Variants in UTP18 observed in about 807,000 individuals in gnomAD.
The protein encoded by UTP18 is UTP18 small subunit processome component, also known as U3 small nucleolar RNA-associated protein 18 homolog.
UTP18 carries 36 observed loss-of-function variants against 61.1 expected under a neutral mutation model. The ratio of observed to expected loss-of-function variants is 0.59; its 90% confidence interval spans 0.45 to 0.78. UTP18 has a LOEUF of 0.78. Among genes scored for constraint, UTP18 ranks in the 30% least tolerant of loss-of-function variants. UTP18 has a pLI of 0.00. For missense variants in UTP18, 753 were observed against 693.9 expected, an observed-to-expected ratio of 1.09 and a Z score of -0.96; for synonymous variants, 282 against 251.1, an observed-to-expected ratio of 1.12 and a Z score of -1.16.
intron 7 of UTP18, among the ~76,000 whole-genome samples, chr17:51,278,435 C>T (rs558946485): frequency 1.3e-5 from 2 of 152,348 alleles, no homozygotes; most frequent in South Asian, 2.1e-4. Context: ...GTAATGGATT[C>T]TGGCATCTCC....
chr17:51,280,587 G>T, intron 9 of UTP18, 108 bp downstream of exon 9: 1 of 984,758 alleles, frequency 1.0e-6, no homozygotes, highest in Non-Finnish European at 1.6e-6. Flanking sequence ...GCCGAGATGG[G>T]CAGATCACTT....
chr17:51,285,413 T>C (rs936426218), intron 10 of UTP18, 45 bp downstream of exon 10: 1 of 1,593,414 alleles, frequency 6.3e-7, no homozygotes, highest in Non-Finnish European at 8.6e-7. Flanking sequence ...ATTGTGCTAA[T>C]GAGAATATGT....
chr17:51,284,953 C>T (rs926774122), intron 9 of UTP18, among the ~76,000 whole-genome samples: 7 of 151,390 alleles, frequency 4.6e-5, no homozygotes, highest in Non-Finnish European at 7.4e-5. Flanking sequence ...CCCAGCTACT[C>T]GGGAGGCTGA....
At chr17:51,269,866 T>TGTGTGTGTGTGTCA in intron 4 of UTP18, among the ~76,000 whole-genome samples, 1 of 152,044 alleles carries the variant, frequency 6.6e-6, no homozygotes, top group South Asian at 2.1e-4. Flanking sequence ...TGTGTGTGTG[T>TGTGTGTGTGTGTCA]GTGTCAGTGT....
intron 4 of UTP18, 73 bp downstream of exon 4, chr17:51,268,977 A>G: frequency 6.8e-7 from 1 of 1,468,834 alleles, no homozygotes; most frequent in Non-Finnish European, 9.4e-7. Flanking sequence ...GAGCTTTCTT[A>G]TGAGGCTCAT....
At chr17:51,265,424 GGA>G (rs2055550696) in intron 2 of UTP18, among the ~76,000 whole-genome samples, 1 of 150,740 alleles carries the variant, frequency 6.6e-6, no homozygotes, top group African/African-American at 2.4e-5. Flanking sequence ...CCACCACGCT[GGA>G]CTAATTTTGT....
At chr17:51,275,420 A>T (rs761477825) in intron 5 of UTP18, among the ~76,000 whole-genome samples, 11 of 152,206 alleles carry the variant, frequency 7.2e-5, no homozygotes, top group Admixed American at 3.9e-4. Context: ...CAATTGAAGA[A>T]CTGTGGGGAC....
chr17:51,260,712 C>A lies in UTP18; in HGVS notation c.128C>A (p.Ala43Asp). 6.2e-7 allele frequency: 1 copy of A among 1,600,468 alleles called. No individual in the cohort carries two copies. The change falls in exon 1 of 14, where the codon GCC becomes GAC. Residue 43 changes from alanine (A) to aspartate (D), a missense_variant. Transcript: ENST00000225298. ...CCAGGCGGGCCTCCCCAAAAGCCTG[C>A]CCCTTCATCCCAGCGGAAACCGCCG... is the stretch of plus-strand genomic sequence containing the variant. ...AGPGGPPQKP[A>D]PSSQRKPPAR...
chr17:51,280,127 T>G, intron 8 of UTP18, 22 bp downstream of exon 8: 2 of 1,600,916 alleles, frequency 1.2e-6, no homozygotes, highest in Non-Finnish European at 1.7e-6. Context: ...TTATTGCTTC[T>G]TGTTCTTCTC....
chr17:51,283,863 C>T (rs1905029476), intron 9 of UTP18, among the ~76,000 whole-genome samples: 1 of 152,180 alleles, frequency 6.6e-6, no homozygotes, highest in Non-Finnish European at 1.5e-5. Flanking sequence ...GAGCCACCTG[C>T]CTTGGCCTCC....
rs532946905 is a variant in UTP18, at chr17:51,279,412, A to T, written c.1013-593A>T. On this transcript the variant is annotated intron_variant, in intron 7 of 13. Transcript: ENST00000225298. ...GACTGTATATACCTAGCTCTCATAT[A>T]TGATTTGGTTACATGTGTCACATCC... is the stretch of plus-strand genomic sequence containing the variant. 2.6e-5 allele frequency among the ~76,000 whole-genome samples: 4 copies of T among 152,318 alleles called. No individual in the cohort carries two copies. In the East Asian group the frequency reaches 5.8e-4, roughly 22 times the overall value.
intron 9 of UTP18, 126 bp downstream of exon 9, chr17:51,280,605 G>T (rs749142781): frequency 4.9e-6 from 4 of 818,228 alleles, no homozygotes; most frequent in Admixed American, 2.4e-5. Flanking sequence ...CTTGAGGTCA[G>T]CGGGTAAGAT....
intron 4 of UTP18, among the ~76,000 whole-genome samples, chr17:51,272,300 T>C (rs896544744): frequency 6.6e-6 from 1 of 152,120 alleles, no homozygotes; most frequent in African/African-American, 2.4e-5. Context: ...GGTTTCTCCA[T>C]GTTGGCCAGG....
intron 1 of UTP18, 36 bp from the exon 2 acceptor site, chr17:51,263,238 A>G (rs2055525749): frequency 6.3e-7 from 1 of 1,586,312 alleles, no homozygotes; most frequent in East Asian, 2.2e-5. Context: ...TGGGATAGGA[A>G]AATCTCAGTG....
At chr17:51,284,715 C>G (rs1597851558) in intron 9 of UTP18, among the ~76,000 whole-genome samples, 2 of 152,152 alleles carry the variant, frequency 1.3e-5, no homozygotes, top group African/African-American at 4.8e-5. Context: ...AAGGTACTGT[C>G]TATTAATGAC....
chr17:51,279,994 T>G lies in UTP18; in HGVS notation c.1013-11T>G. 6.2e-7 allele frequency: 1 copy of G among 1,600,900 alleles called. No individual in the cohort carries two copies. The highest frequency in any genetic ancestry group is 1.3e-5 in the African/African-American group (1 of 74,358). On this transcript the variant is annotated splice_polypyrimidine_tract_variant and intron_variant, in intron 7 of 13. Transcript: ENST00000225298. ...TAAAACTTTATTTAATTGCTTCATT[T>G]CCTATTTTAGGTTTGAAAGAGAAGA...
In UTP18 at chr17:51,260,929, G is replaced by C. The variant is rs1391448981; in HGVS notation, c.342+3G>C. 6.5e-7 allele frequency: 1 copy of C among 1,547,274 alleles called. No homozygotes were observed. Among genetic ancestry groups the C allele is most frequent in the Non-Finnish European group, 8.7e-7 (1 of 1,151,092 alleles). ...TGCGGCGTCTGCGAGGCCCGAGGGT[G>C]AGGGAGGCCGCGGCGCGCGGGCTGG... On this transcript the variant is annotated splice_donor_region_variant and intron_variant, in intron 1 of 13. Coordinates refer to ENST00000225298, the MANE Select transcript of UTP18 (RefSeq NM_016001.3).
intron 1 of UTP18, among the ~76,000 whole-genome samples, chr17:51,262,302 T>C (rs998046355): frequency 1.3e-5 from 2 of 152,048 alleles, no homozygotes; most frequent in Non-Finnish European, 2.9e-5. Context: ...GCCAGGCTGG[T>C]CTCAAACTCC....
At chr17:51,271,411 A>G (rs1269036960) in intron 4 of UTP18, among the ~76,000 whole-genome samples, 2 of 151,800 alleles carry the variant, frequency 1.3e-5, no homozygotes, top group Non-Finnish European at 1.5e-5. Flanking sequence ...GGTTCAAGCA[A>G]TCCTCCCACC....
Sources: allele counts gnomAD v4.1 joint callset (sites outside exome capture counted in the v4.1 genomes callset), GRCh38; gene constraint gnomAD v4.1.1; transcripts MANE v1.5; gene names NCBI Gene and HGNC (gene_info 2026-07-23, HGNC 2026-07-21).